The following TMEM181 variants were observed in gnomAD, a reference collection of about 807,000 sequenced individuals.
The protein encoded by TMEM181 is G protein-coupled receptor 178.
TMEM181 carries 39 observed loss-of-function variants against 71.9 expected under a neutral mutation model. That is an observed-to-expected ratio of 0.54 (90% CI 0.42 to 0.71). The LOEUF (loss-of-function observed/expected upper bound fraction) is 0.71. Ranked by LOEUF, TMEM181 falls within the 30% of genes least tolerant of loss-of-function variation. The pLI, the probability that TMEM181 is intolerant of heterozygous loss-of-function variation, is 0.00. For missense variants in TMEM181, 595 were observed against 583.0 expected, an observed-to-expected ratio of 1.02 and a Z score of -0.21; for synonymous variants, 245 against 228.8, an observed-to-expected ratio of 1.07 and a Z score of -0.64.
At chr6:158,566,935 G>A (rs544861852) in intron 1 of TMEM181, among the ~76,000 whole-genome samples, 17 of 152,280 alleles carry the variant, frequency 1.1e-4, no homozygotes, top group African/African-American at 3.6e-4. Context: ...GCCATTTTGG[G>A]GATAGGCATT....
chr6:158,592,266 A>G (rs578078219), intron 6 of TMEM181, among the ~76,000 whole-genome samples: 1 of 152,358 alleles, frequency 6.6e-6, no homozygotes, highest in East Asian at 1.9e-4. Flanking sequence ...TCACGTGGCA[A>G]CAGACTTCTG....
chr6:158,628,882 C>T (rs1786496138), intron 14 of TMEM181, among the ~76,000 whole-genome samples: 1 of 152,234 alleles, frequency 6.6e-6, no homozygotes, highest in Non-Finnish European at 1.5e-5. Context: ...TACTGCCCTC[C>T]AGCAGAGCAC....
intron 1 of TMEM181, among the ~76,000 whole-genome samples, chr6:158,542,522 C>A (rs1781390762): frequency 1.3e-5 from 2 of 152,208 alleles, no homozygotes; most frequent in Non-Finnish European, 2.9e-5. Context: ...AGAGCTCTTC[C>A]TGGTGTTTAC....
chr6:158,628,321 T>A, intron 13 of TMEM181, 87 bp from the exon 14 acceptor site: 1 of 1,285,246 alleles, frequency 7.8e-7, no homozygotes, highest in South Asian at 1.2e-5. Context: ...GACGGAAAGC[T>A]TGAATGGGGT....
intron 15 of TMEM181, among the ~76,000 whole-genome samples, chr6:158,630,880 C>G (rs9457419): frequency 1.1e-4 from 16 of 151,478 alleles, no homozygotes; most frequent in Non-Finnish European, 2.1e-4. Flanking sequence ...CCTTCACAAA[C>G]GGCGTCTCAC....
chr6:158,544,059 G>A (rs1781442255), intron 1 of TMEM181, among the ~76,000 whole-genome samples: 1 of 152,132 alleles, frequency 6.6e-6, no homozygotes, highest in African/African-American at 2.4e-5. Flanking sequence ...CTAAAACGGA[G>A]ATAGCAGACT....
At position 158,631,810 on chromosome 6, in the gene TMEM181, G is replaced by C; in HGVS notation, c.1350G>C (p.Gly450=). The change falls in exon 17 of 17, where the codon GGG becomes GGC. Residue 450 remains glycine, a splice_region_variant and synonymous_variant. Coordinates refer to ENST00000684151, the MANE Select transcript of TMEM181 (RefSeq NM_001376852.1). ...GTCTCAAAGGTCTCTTTGCTCACAG[G>C]AGTGACTATGAGGAAATGCCGCTGC... ...LNDSDDDVIY[G]SDYEEMPLQN... 6.3e-7 allele frequency: 1 copy of C among 1,596,294 alleles called. No individual in the cohort carries two copies. The highest frequency in any genetic ancestry group is 8.5e-7 in the Non-Finnish European group (1 of 1,170,874).
Position 158,634,490 on chromosome 6 carries a change from T to A in TMEM181, c.*2602T>A, listed in dbSNP as rs1786829945. 2 of 152,212 alleles carry A rather than the reference T, an allele frequency of 1.3e-5. No individual in the cohort carries two copies. Among genetic ancestry groups the A allele is most frequent in the Non-Finnish European group, 2.9e-5 (2 of 68,046 alleles). The allele number at this position is 152,212 out of a possible 1,614,324, so 9.4% of individuals were successfully genotyped here. ...GAGTAACATCATCTTTGGGATTTTTTAAATACTGGTCCAGTCTAGGAGAAC... is the reference window on the plus strand; with the variant it reads ...GAGTAACATCATCTTTGGGATTTTTAAAATACTGGTCCAGTCTAGGAGAAC... On this transcript the variant is annotated 3_prime_UTR_variant, in exon 17 of 17. Coordinates refer to ENST00000684151, the MANE Select transcript of TMEM181 (RefSeq NM_001376852.1).
intron 1 of TMEM181, among the ~76,000 whole-genome samples, chr6:158,563,816 C>CT (rs1445190638): frequency 6.6e-6 from 1 of 152,168 alleles, no homozygotes; most frequent in Non-Finnish European, 1.5e-5. Flanking sequence ...TTTGCGAACT[C>CT]TGTTGCTCAG....
In TMEM181 at chr6:158,632,173, T is replaced by A. The variant is rs1786702812; in HGVS notation, c.*285T>A. 2.3e-6 allele frequency: 1 copy of A among 434,940 alleles called. No individual in the cohort carries two copies. The highest frequency in any genetic ancestry group is 2.0e-5 in the African/African-American group (1 of 50,614). 26.9% of individuals were successfully genotyped at this position (434,940 alleles called of 1,614,324 possible). On this transcript the variant is annotated 3_prime_UTR_variant, in exon 17 of 17. Transcript: ENST00000684151. ...GCGTGTTTTCAGTGATGAGGAAATT[T>A]CACGTTTTTAGTACAGTGAATTATG...
intron 1 of TMEM181, among the ~76,000 whole-genome samples, chr6:158,547,239 G>A (rs999277806): frequency 1.3e-5 from 2 of 151,756 alleles, no homozygotes; most frequent in African/African-American, 4.8e-5. Flanking sequence ...CCATGATTGT[G>A]CCACTGCACT....
intron 10 of TMEM181, chr6:158,611,468 C>T (rs940638131): frequency 9.3e-6 from 5 of 535,044 alleles, no homozygotes; most frequent in Non-Finnish European, 1.5e-5. Context: ...TGTTGGGTTC[C>T]TCAGTCGTAT....
At chr6:158,536,992 G>A (rs962177595) in intron 1 of TMEM181, 6 of 565,998 alleles carry the variant, frequency 1.1e-5, no homozygotes, top group South Asian at 1.6e-4. Flanking sequence ...CGGGCGCGGA[G>A]CCTACGGATG....
At position 158,632,231 on chromosome 6, in the gene TMEM181, C is replaced by CTTTTTT; in HGVS notation, c.*343_*344insTTTTTT. 1 of 259,756 alleles carries CTTTTTT rather than the reference C, an allele frequency of 3.8e-6. No homozygotes were observed. The highest frequency in any genetic ancestry group is 7.7e-6 in the Non-Finnish European group (1 of 130,596). The allele number at this position is 259,756 out of a possible 1,614,324, so 16.1% of individuals were successfully genotyped here. ...TTTTCCTGTAATCATTCACTGATTC[C>CTTTTTT]AAGTTCACGGGCAGCCTGTGACTAG... is the stretch of plus-strand genomic sequence containing the variant. On this transcript the variant is annotated 3_prime_UTR_variant, in exon 17 of 17. Coordinates refer to ENST00000684151, the MANE Select transcript of TMEM181 (RefSeq NM_001376852.1).
chr6:158,554,684 C>T (rs9364973), intron 1 of TMEM181, among the ~76,000 whole-genome samples: 45,362 of 152,036 alleles, frequency 0.3, 7,233 homozygotes, highest in East Asian at 0.56. Flanking sequence ...TTTAAGGGTC[C>T]ATGCTAGATC....
At position 158,634,173 on chromosome 6, in the gene TMEM181, A is replaced by C. The variant is rs1347468520; in HGVS notation, c.*2285A>C. On this transcript the variant is annotated 3_prime_UTR_variant, in exon 17 of 17. Coordinates refer to ENST00000684151, the MANE Select transcript of TMEM181 (RefSeq NM_001376852.1). ...GAAATAAGAAAAAAAGTTAGAAAGT[A>C]CTTAAGGGGAAAATCGTTCTTACTA... The C allele has an allele frequency of 1.3e-5, 2 of 152,358 alleles. No homozygotes were observed. Among genetic ancestry groups the C allele is most frequent in the South Asian group, 4.1e-4 (2 of 4,834 alleles). The allele number at this position is 152,358 out of a possible 1,614,324, so 9.4% of individuals were successfully genotyped here.
At chr6:158,555,427 T>A (rs748492882), upstream of TMEM181, among the ~76,000 whole-genome samples, 1 of 152,216 alleles carries the variant, frequency 6.6e-6, no homozygotes, top group Non-Finnish European at 1.5e-5. Flanking sequence ...TTGTTGGTTT[T>A]GGTTTAAAAA....
At chr6:158,616,173 G>A (rs934561297) in intron 10 of TMEM181, among the ~76,000 whole-genome samples, 15 of 152,166 alleles carry the variant, frequency 9.9e-5, no homozygotes, top group Non-Finnish European at 1.9e-4. Flanking sequence ...GCAGTGGTTT[G>A]TAGTTCTCCT....
intron 5 of TMEM181, among the ~76,000 whole-genome samples, chr6:158,587,619 C>T (rs993048182): frequency 1.1e-4 from 17 of 151,814 alleles, no homozygotes; most frequent in Middle Eastern, 3.4e-3. Context: ...TGTGCACCAC[C>T]GTGCCTGGCT....
Sources: allele counts gnomAD v4.1 joint callset (sites outside exome capture counted in the v4.1 genomes callset), GRCh38; gene constraint gnomAD v4.1.1; transcripts MANE v1.5; gene names NCBI Gene and HGNC (gene_info 2026-07-23, HGNC 2026-07-21).